The following RARB variants were observed in gnomAD, a reference collection of about 807,000 sequenced individuals.
RARB encodes HBV-activated protein.
A neutral mutation model predicts 51.9 loss-of-function variants in RARB; 17 were observed. The ratio of observed to expected loss-of-function variants is 0.33; its 90% CI spans 0.22 to 0.49. RARB has a LOEUF of 0.49. Ranked by LOEUF, RARB falls within the 20% of genes least tolerant of loss-of-function variation. RARB has a pLI of 0.99. For missense variants in RARB, 369 were observed against 550.8 expected, an observed-to-expected ratio of 0.67 and a Z score of 3.30; for synonymous variants, 215 against 195.4, an observed-to-expected ratio of 1.10 and a Z score of -0.84.
intron 3 of RARB, among the ~76,000 whole-genome samples, chr3:25,093,849 C>T (rs1699246205): frequency 6.6e-6 from 1 of 152,136 alleles, no homozygotes; most frequent in South Asian, 2.1e-4. Context: ...CAACAAGCAC[C>T]CATTGCCTAG....
intron 1 of RARB, among the ~76,000 whole-genome samples, chr3:25,448,034 T>G (rs1709025931): frequency 6.6e-6 from 1 of 152,014 alleles, no homozygotes; most frequent in African/African-American, 2.4e-5. Flanking sequence ...ATGCTCACAA[T>G]GATGCAATGA....
At chr3:24,831,839 C>G (rs1421576777) in intron 1 of RARB, among the ~76,000 whole-genome samples, 1 of 152,122 alleles carries the variant, frequency 6.6e-6, no homozygotes, top group African/African-American at 2.4e-5. Flanking sequence ...TCTTTGCTAG[C>G]AAATCATAAC....
At chr3:25,411,671 T>C (rs1707565973) in intron 5 of RARB, among the ~76,000 whole-genome samples, 2 of 152,214 alleles carry the variant, frequency 1.3e-5, no homozygotes, top group African/African-American at 2.4e-5. Flanking sequence ...ACTGCTCTGG[T>C]TGAAAACTAG....
chr3:24,915,626 G>C (rs112131125), intron 2 of RARB, among the ~76,000 whole-genome samples: 1 of 152,152 alleles, frequency 6.6e-6, no homozygotes. Flanking sequence ...CTCTCAGAAA[G>C]GGAAATAACA....
chr3:24,972,724 G>A (rs967276255), intron 2 of RARB, among the ~76,000 whole-genome samples: 33 of 152,064 alleles, frequency 2.2e-4, no homozygotes, highest in African/African-American at 7.9e-4. Context: ...GTTTTGACTT[G>A]CATTTTTTGG....
intron 5 of RARB, among the ~76,000 whole-genome samples, chr3:25,369,526 A>G (rs1317135145): frequency 1.3e-5 from 2 of 152,180 alleles, no homozygotes; most frequent in Admixed American, 6.5e-5. Context: ...ATTTGGCAGT[A>G]TTTGCCAAAA....
At chr3:25,386,111 G>T (rs758311243) in intron 5 of RARB, among the ~76,000 whole-genome samples, 1 of 152,152 alleles carries the variant, frequency 6.6e-6, no homozygotes, top group East Asian at 1.9e-4. Flanking sequence ...AGGCAATATA[G>T]TCTGATAAAG....
intron 5 of RARB, among the ~76,000 whole-genome samples, chr3:25,336,239 T>C (rs746889661): frequency 2.0e-4 from 30 of 152,202 alleles, no homozygotes; most frequent in Non-Finnish European, 3.4e-4. Context: ...AGAGATTTAG[T>C]AGTTTTTCTT....
At chr3:25,303,356 A>G (rs183180827) in intron 5 of RARB, among the ~76,000 whole-genome samples, 1 of 152,338 alleles carries the variant, frequency 6.6e-6, no homozygotes, top group Non-Finnish European at 1.5e-5. Context: ...TGTTGACTGC[A>G]TTTGTCACAG....
Position 25,428,817 on chromosome 3 carries a change from A to G in RARB, c.86A>G (p.Gln29Arg). ...YTASPSSCML[Q>R]EKALKACFSG... ...GCGAGTCCGTCTTCCTGCATGCTCCAGGAGAAAGCTCTCAAAGCATGCTTC... is the reference window on the plus strand; with the variant it reads ...GCGAGTCCGTCTTCCTGCATGCTCCGGGAGAAAGCTCTCAAAGCATGCTTC... Residue 29 changes from glutamine (Q) to arginine (R), a missense_variant, in exon 1 of 8, where the codon CAG (glutamine) becomes CGG (arginine). Around this residue, in one of 9 missense-constraint regions of RARB, gnomAD observed 99 missense variants for 95.1 expected, o/e 1.04. Coordinates refer to ENST00000330688, the MANE Select transcript of RARB (RefSeq NM_000965.5). 6.2e-7 allele frequency: 1 copy of G among 1,614,126 alleles called. No homozygotes were observed. The highest frequency in any genetic ancestry group is 1.3e-5 in the African/African-American group (1 of 75,028).
At chr3:25,043,638 T>A (rs970558219) in intron 2 of RARB, among the ~76,000 whole-genome samples, 8 of 152,086 alleles carry the variant, frequency 5.3e-5, no homozygotes, top group African/African-American at 1.9e-4. Flanking sequence ...CGTTACAGGG[T>A]TTTTTTTAAA....
At chr3:24,889,908 GAAA>G (rs76271154) in intron 2 of RARB, among the ~76,000 whole-genome samples, 7 of 112,970 alleles carry the variant, frequency 6.2e-5, no homozygotes, top group Admixed American at 9.4e-5. Flanking sequence ...GAGCAGGCAT[GAAA>G]AAAAAAAAAA....
intron 5 of RARB, among the ~76,000 whole-genome samples, chr3:25,266,712 A>C (rs546600404): frequency 6.6e-5 from 10 of 152,198 alleles, no homozygotes; most frequent in Non-Finnish European, 1.3e-4. Context: ...GAGTGAGGTC[A>C]TAAGGCTGGA....
intron 5 of RARB, among the ~76,000 whole-genome samples, chr3:25,251,341 A>G (rs936877127): frequency 1.3e-5 from 2 of 151,936 alleles, no homozygotes; most frequent in Admixed American, 6.6e-5. Flanking sequence ...TTTGTGTACA[A>G]GTTTTTTCAT....
intron 1 of RARB, among the ~76,000 whole-genome samples, chr3:25,443,533 A>C (rs1421739622): frequency 3.3e-5 from 5 of 152,004 alleles, no homozygotes; most frequent in African/African-American, 9.7e-5. Flanking sequence ...AATCGCTTAA[A>C]ACCCGGGAGG....
intron 1 of RARB, among the ~76,000 whole-genome samples, chr3:25,445,492 C>T (rs1208861662): frequency 6.6e-6 from 1 of 152,032 alleles, no homozygotes; most frequent in African/African-American, 2.4e-5. Context: ...TGGTGAAACC[C>T]TGTCTATACT....
intron 2 of RARB, among the ~76,000 whole-genome samples, chr3:25,492,982 CTT>C (rs78647402): frequency 2.4e-4 from 33 of 140,124 alleles, no homozygotes; most frequent in East Asian, 4.2e-4. Flanking sequence ...GATTTATTAC[CTT>C]TTTTTTTTTT....
chr3:25,512,281 G>A (rs1003360984), intron 3 of RARB, among the ~76,000 whole-genome samples: 10 of 152,122 alleles, frequency 6.6e-5, no homozygotes, highest in East Asian at 1.9e-4. Flanking sequence ...TGCTCCTTCC[G>A]ACCCAGTGGT....
rs1024955093 is a variant in RARB at position 25,162,449 on chromosome 3, T to A, written c.-279-11670T>A. Among the ~76,000 whole-genome samples the A allele has an allele frequency of 2.6e-5, 4 of 152,114 alleles. No individual in the cohort carries two copies. In the South Asian group the frequency reaches 8.3e-4, roughly 32 times the overall value. ...CAAGATATAATTCAAACAACAACAT[T>A]CACCATTTTAAGATGCACAATTCAG... On this transcript the variant is annotated intron_variant, in intron 4 of 11. Coordinates refer to the RARB transcript ENST00000383772.
Sources: allele counts gnomAD v4.1 joint callset (sites outside exome capture counted in the v4.1 genomes callset), GRCh38; gene constraint gnomAD v4.1.1; regional missense constraint gnomAD v4.1.1; transcripts MANE v1.5; gene names NCBI Gene and HGNC (gene_info 2026-07-23, HGNC 2026-07-21).